Variants in LRP2 observed in about 807,000 individuals in gnomAD.
The protein encoded by LRP2 is LDL receptor related protein 2, also known as low-density lipoprotein receptor-related protein 2.
In LRP2, 172 loss-of-function variants were observed where a neutral mutation model predicts 531.0. The observed-to-expected ratio is 0.32, with a 90% CI of 0.29 to 0.37. LRP2 has a LOEUF of 0.37. LRP2 is among the 10% of genes least tolerant of loss of function. LRP2 has a pLI of 1.00. For synonymous variants in LRP2, 1,992 were observed against 2,027.6 expected (o/e 0.98, Z 0.47); for missense variants, 5,167 against 5,868.3 (o/e 0.88, Z 3.90).
chr2:169,202,663 T>A (rs1320951451), intron 43 of LRP2, 93 bp downstream of exon 43: 1 of 1,323,900 alleles, frequency 7.6e-7, no homozygotes, highest in Non-Finnish European at 1.1e-6. Flanking sequence ...GGCACACATT[T>A]CAAACACATT....
At chr2:169,244,654 C>T (rs371932690) in intron 22 of LRP2, 39 bp downstream of exon 22, 3 of 1,613,750 alleles carry the variant, frequency 1.9e-6, no homozygotes, top group Non-Finnish European at 1.7e-6. Flanking sequence ...AGTCTATTTA[C>T]GAGGCTGACC....
chr2:169,164,238 A>T (rs1268890351), intron 62 of LRP2, among the ~76,000 whole-genome samples: 1 of 152,194 alleles, frequency 6.6e-6, no homozygotes, highest in East Asian at 1.9e-4. Flanking sequence ...TCAGGCACAG[A>T]AGGCACTGAT....
chr2:169,222,449 T>C (rs544083508), intron 33 of LRP2, among the ~76,000 whole-genome samples: 2 of 152,302 alleles, frequency 1.3e-5, no homozygotes, highest in South Asian at 4.1e-4. Flanking sequence ...TTTCCATGTT[T>C]CAGGGTCTTT....
Position 169,212,165 on chromosome 2 carries a change from G to C in LRP2, c.6083C>G (p.Ala2028Gly). Reference sequence around the variant, plus strand: ...TACAGGCAGGCAAATCTGCTGACAGGCATTCATGTTGTTGCTACAGCCATT... The same window carrying C: ...TACAGGCAGGCAAATCTGCTGACAGCCATTCATGTTGTTGCTACAGCCATT... ...SSNGCSNNMN[A>G]CQQICLPVPG... Residue 2028 changes from alanine to glycine, a missense_variant, in exon 37 of 79, where the codon GCC becomes GGC. Ala to Gly is a moderately conservative substitution (Grantham distance 60, BLOSUM62 0). This residue lies in a region of LRP2 where 2,811 missense variants were observed against 3,058.0 expected (regional missense o/e 0.92). Transcript: ENST00000649046. 6.2e-7 allele frequency: 1 copy of C among 1,614,036 alleles called. No homozygotes were observed. The highest frequency in any genetic ancestry group is 8.5e-7 in the Non-Finnish European group (1 of 1,179,926).
chr2:169,158,728 T>C (rs1686450903), intron 63 of LRP2, among the ~76,000 whole-genome samples: 1 of 151,956 alleles, frequency 6.6e-6, no homozygotes, highest in Non-Finnish European at 1.5e-5. Flanking sequence ...GAAATATTTC[T>C]TACATATACA....
In LRP2 at chr2:169,152,936, C is replaced by T. The variant is rs773126603; in HGVS notation, c.12324G>A (p.Glu4108=). The change falls in exon 67 of 79, where the codon GAG becomes GAA. Residue 4108 remains glutamate (E), a synonymous_variant. Transcript: ENST00000649046. ...GTTTGATAGCACCAAACCTAGAGCC[C>T]TCCCCTCGCACAGTGTAATACACAA... ...LSVVYYTVRG[E]GSRFGAIKRA... is the part of the protein sequence containing the mutation. 3 of 1,614,036 alleles carry T rather than the reference C, an allele frequency of 1.9e-6. No individual in the cohort carries two copies. The highest frequency in any genetic ancestry group is 1.7e-4 in the Middle Eastern group (1 of 6,022).
At chr2:169,214,520 A>C (rs1688708016) in intron 35 of LRP2, among the ~76,000 whole-genome samples, 3 of 152,228 alleles carry the variant, frequency 2.0e-5, no homozygotes. Flanking sequence ...CTGTGCCAGG[A>C]TCTGGGCTGG....
At chr2:169,196,166 C>T (rs1420263661) in intron 46 of LRP2, among the ~76,000 whole-genome samples, 1 of 152,078 alleles carries the variant, frequency 6.6e-6, no homozygotes, top group African/African-American at 2.4e-5. Flanking sequence ...ACCTACAGGA[C>T]GTGGCCATAG....
intron 16 of LRP2, among the ~76,000 whole-genome samples, chr2:169,265,044 C>G (rs1690741133): frequency 6.6e-6 from 1 of 151,904 alleles, no homozygotes; most frequent in African/African-American, 2.4e-5. Context: ...CACATCTTCC[C>G]CTTACCCCAA....
At chr2:169,321,062 C>T (rs886490839) in intron 1 of LRP2, among the ~76,000 whole-genome samples, 178 bp from the exon 2 acceptor site, 7 of 151,986 alleles carry the variant, frequency 4.6e-5, no homozygotes, top group African/African-American at 1.7e-4. Flanking sequence ...TTTGAACATC[C>T]GTGGGAAGAA....
At position 169,294,208 on chromosome 2, in the gene LRP2, G is replaced by A. The variant is rs777216431; in HGVS notation, c.592C>T (p.Arg198Cys). 1.9e-5 allele frequency: 30 copies of A among 1,613,764 alleles called. No individual in the cohort carries two copies. Among genetic ancestry groups the A allele is most frequent in the Middle Eastern group, 1.6e-4 (1 of 6,084 alleles). ...TTGTCATGGTCACAGACATAAGCAC[G>A]AGGGATACACTCTCCATTGCCACAT... ...FSCGNGECIP[R>C]AYVCDHDNDC... The change falls in exon 6 of 79, where the codon CGT becomes TGT. Residue 198 changes from arginine to cysteine, a missense_variant. Physicochemically the swap from Arg to Cys is radical, Grantham distance 180. Coordinates refer to ENST00000649046, the MANE Select transcript of LRP2 (RefSeq NM_004525.3).
chr2:169,181,721 A>T lies in LRP2; in HGVS notation c.9999-103T>A, dbSNP rs17848182. 0.041 allele frequency: 25,375 copies of T among 625,900 alleles called. 774 individuals carry two copies. The highest frequency in any genetic ancestry group is 0.13 in the African/African-American group (5,919 of 46,094). 38.8% of individuals were successfully genotyped at this position (625,900 alleles called of 1,614,324 possible). A position where few individuals can be genotyped will look rare whatever the true frequency, so the allele number is the denominator to read the frequency against. On this transcript the variant is annotated intron_variant, in intron 51 of 78. Transcript: ENST00000649046. ...TAGAGAAATGGAGTCTGCATTCTGT[A>T]GAGCAGACTGCATTCTGAATTCTTT...
At chr2:169,170,394 A>G (rs1162893578) in intron 59 of LRP2, among the ~76,000 whole-genome samples, 157 bp downstream of exon 59, 2 of 152,254 alleles carry the variant, frequency 1.3e-5, no homozygotes, top group African/African-American at 4.8e-5. Context: ...AATAATGCAT[A>G]GAAAATACAG....
chr2:169,248,800 G>A (rs1376796327), intron 19 of LRP2, among the ~76,000 whole-genome samples: 2 of 131,936 alleles, frequency 1.5e-5, no homozygotes, highest in East Asian at 4.2e-4. Flanking sequence ...AGCCGAAGCA[G>A]AGCGAGGCAT....
rs138299719 is a variant in LRP2, at chr2:169,247,400, C to T, written c.2886G>A (p.Ser962=). 1.5e-5 allele frequency: 24 copies of T among 1,613,992 alleles called. No individual in the cohort carries two copies. Among genetic ancestry groups the T allele is most frequent in the African/African-American group, 2.7e-5 (2 of 74,920 alleles). ...SGIAYILHLK[S]YDVNIQTGSN... ...CACCAGTCTGGATGTTGACATCATA[C>T]GATTTCAAATGCAGTATGTAAGCAA... Residue 962 remains serine (S), a synonymous_variant, in exon 20 of 79, where the codon TCG becomes TCA. Coordinates refer to ENST00000649046, the MANE Select transcript of LRP2 (RefSeq NM_004525.3).
rs1683595429 is a variant in LRP2 at position 169,277,809 on chromosome 2, G to A, written c.1708C>T (p.Arg570Cys). 6.2e-7 allele frequency: 1 copy of A among 1,613,984 alleles called. No homozygotes were observed. Among genetic ancestry groups the A allele is most frequent in the South Asian group, 1.1e-5 (1 of 91,074 alleles). Residue 570 changes from arginine to cysteine, a missense_variant, in exon 13 of 79, where the codon CGT becomes TGT. By Grantham distance (180) the Arg-to-Cys change is radical. Coordinates refer to ENST00000649046, the MANE Select transcript of LRP2 (RefSeq NM_004525.3). ...AACCGAGAGTCAACCCAGTAAACAC[G>A]CTTCGATATCATATCCAGAGTTACC... ...AGVTLDMISK[R>C]VYWVDSRFDY...
intron 40 of LRP2, 84 bp downstream of exon 40, chr2:169,205,939 T>C (rs965915595): frequency 3.5e-5 from 53 of 1,514,316 alleles, no homozygotes; most frequent in Non-Finnish European, 4.4e-5. Flanking sequence ...CCATAACACA[T>C]TGGCTATCTA....
At chr2:169,209,683 A>T in intron 37 of LRP2, 42 bp from the exon 38 acceptor site, 1 of 1,588,108 alleles carries the variant, frequency 6.3e-7, no homozygotes, top group Non-Finnish European at 8.6e-7. Flanking sequence ...CTGTCACTGA[A>T]ATTAGAACTT....
At chr2:169,225,540 T>A (rs1574152613) in intron 32 of LRP2, 87 bp from the exon 33 acceptor site, 1 of 1,477,314 alleles carries the variant, frequency 6.8e-7, no homozygotes, top group East Asian at 2.3e-5. Flanking sequence ...TACTGCCAGC[T>A]GCTGTATTTC....
Sources: allele counts gnomAD v4.1 joint callset (sites outside exome capture counted in the v4.1 genomes callset), GRCh38; gene constraint gnomAD v4.1.1; regional missense constraint gnomAD v4.1.1; transcripts MANE v1.5; gene names NCBI Gene and HGNC (gene_info 2026-07-23, HGNC 2026-07-21).